The following SEL1L3 variants were observed in gnomAD, a reference collection of about 807,000 sequenced individuals.
SEL1L3 encodes SEL1L family member 3.
In SEL1L3, 76 loss-of-function variants were observed where a neutral mutation model predicts 142.8. The observed-to-expected ratio is 0.53, with a 90% CI of 0.44 to 0.64. The LOEUF (loss-of-function observed/expected upper bound fraction) is 0.64, where lower values mean the gene tolerates loss of function less well. Among genes scored for constraint, SEL1L3 ranks in the 30% least tolerant of loss-of-function variants. The pLI is 0.00. For missense variants in SEL1L3, 1,262 were observed against 1,381.7 expected (o/e 0.91, Z 1.37); for synonymous variants, 504 against 519.6 (o/e 0.97, Z 0.41).
Position 25,782,290 on chromosome 4 carries a change from T to G in SEL1L3, c.2409A>C (p.Gly803=), listed in dbSNP as rs1214571348. Reference sequence around the variant, plus strand: ...GGAAGATGCCATCCAAATGCAGGACTCCAAGATTGTATGACGCATCTGGGT... The same window carrying G: ...GGAAGATGCCATCCAAATGCAGGACGCCAAGATTGTATGACGCATCTGGGT... ...MGNPDASYNL[G]VLHLDGIFPG... Residue 803 remains glycine (G), a synonymous_variant, in exon 15 of 24, where the codon GGA becomes GGC. Transcript: ENST00000399878. 1 of 1,613,918 alleles carries G rather than the reference T, an allele frequency of 6.2e-7. No homozygotes were observed. The highest frequency in any genetic ancestry group is 8.5e-7 in the Non-Finnish European group (1 of 1,179,818).
chr4:25,741,552 G>A, the SEL1L3 span, among the ~76,000 whole-genome samples: 2 of 152,062 alleles, frequency 1.3e-5, no homozygotes, highest in African/African-American at 2.4e-5. Context: ...CCTGTGCTTT[G>A]AATATTTTTT....
At chr4:25,790,086 A>G (rs751683650) in intron 12 of SEL1L3, among the ~76,000 whole-genome samples, 1 of 152,222 alleles carries the variant, frequency 6.6e-6, no homozygotes, top group Non-Finnish European at 1.5e-5. Flanking sequence ...GGTACTCTTT[A>G]GAGCTGGTCA....
intron 6 of SEL1L3, 139 bp downstream of exon 6, chr4:25,829,959 C>CT: frequency 1.6e-6 from 1 of 632,270 alleles, no homozygotes; most frequent in African/African-American, 1.9e-5. Flanking sequence ...CAAAGACTAG[C>CT]TACAGGGCAG....
chr4:25,790,753 A>G (rs1331148637), intron 11 of SEL1L3, among the ~76,000 whole-genome samples, 179 bp from the exon 12 acceptor site: 2 of 137,830 alleles, frequency 1.5e-5, no homozygotes, highest in African/African-American at 5.5e-5. Context: ...GGAAGGAAGG[A>G]AGGAAGAAAG....
intron 20 of SEL1L3, among the ~76,000 whole-genome samples, chr4:25,761,585 A>G (rs1205608858): frequency 6.6e-6 from 1 of 152,258 alleles, no homozygotes; most frequent in African/African-American, 2.4e-5. Context: ...AGATAAATAT[A>G]TAAAGAACTA....
Position 25,753,435 on chromosome 4 carries a change from C to T in SEL1L3, c.3259+4099G>A, listed in dbSNP as rs138310001. ...TTTCCTCTTTTTTACAGTCAGTCAGCACCCAGAGTTCATTATTAAGTTTGT... is the reference window on the plus strand; with the variant it reads ...TTTCCTCTTTTTTACAGTCAGTCAGTACCCAGAGTTCATTATTAAGTTTGT... On this transcript the variant is annotated intron_variant, in intron 23 of 23. Transcript: ENST00000399878. Among the ~76,000 whole-genome samples the T allele has an allele frequency of 1.4e-3, 218 of 152,340 alleles. 1 individual carries two copies. The highest frequency in any genetic ancestry group is 5.0e-3 in the African/African-American group (208 of 41,582).
chr4:25,813,759 G>A (rs573635795), intron 9 of SEL1L3, among the ~76,000 whole-genome samples: 5 of 152,300 alleles, frequency 3.3e-5, no homozygotes, highest in African/African-American at 7.2e-5. Context: ...CCCTTAAAGA[G>A]GAAAAGTGTA....
chr4:25,856,957 G>T (rs1717303385), intron 1 of SEL1L3, among the ~76,000 whole-genome samples: 2 of 152,172 alleles, frequency 1.3e-5, no homozygotes, highest in South Asian at 4.1e-4. Flanking sequence ...AAGTTCATTG[G>T]CATGTACACA....
intron 19 of SEL1L3, among the ~76,000 whole-genome samples, chr4:25,765,718 A>G (rs911961510): frequency 2.0e-5 from 3 of 151,980 alleles, no homozygotes; most frequent in Non-Finnish European, 4.4e-5. Flanking sequence ...GGCTCACTGC[A>G]GCCTTGACTT....
chr4:25,750,212 G>A (rs1162728558), intron 23 of SEL1L3, among the ~76,000 whole-genome samples: 1 of 148,516 alleles, frequency 6.7e-6, no homozygotes, highest in Non-Finnish European at 1.5e-5. Flanking sequence ...ACCAGCCTGG[G>A]CGACAGAGCG....
rs529510161 is a variant in SEL1L3 at position 25,825,010 on chromosome 4, C to T, written c.1158-2882G>A. 1.5e-4 allele frequency among the ~76,000 whole-genome samples: 23 copies of T among 152,096 alleles called. No individual in the cohort carries two copies. In the East Asian group the frequency reaches 1.5e-3, roughly 10 times the overall value. ...AAGTGTGAAAAAAGCCCACAGCAAA[C>T]GCTAATCTGCAGATTTGTACTCAAA... On this transcript the variant is annotated intron_variant, in intron 6 of 23. Transcript: ENST00000399878.
chr4:25,724,495 A>G, the SEL1L3 span, among the ~76,000 whole-genome samples: 7 of 152,152 alleles, frequency 4.6e-5, no homozygotes, highest in South Asian at 8.3e-4. Context: ...TAATCTCAGC[A>G]CTTTGGGAGG....
At chr4:25,815,394 T>C (rs778973573) in intron 9 of SEL1L3, among the ~76,000 whole-genome samples, 3 of 152,172 alleles carry the variant, frequency 2.0e-5, no homozygotes, top group African/African-American at 4.8e-5. Context: ...AGGGGACTTA[T>C]GATTGGGGTT....
chr4:25,736,597 A>C, the SEL1L3 span, among the ~76,000 whole-genome samples: 9 of 152,132 alleles, frequency 5.9e-5, no homozygotes, highest in Non-Finnish European at 5.9e-5. Context: ...TGAGCGTTCC[A>C]TGTAACCTTG....
chr4:25,826,481 T>C (rs1004940276), intron 6 of SEL1L3, among the ~76,000 whole-genome samples: 3 of 150,026 alleles, frequency 2.0e-5, no homozygotes, highest in Non-Finnish European at 3.0e-5. Flanking sequence ...AAAAGTGGGG[T>C]TCCTGGCAGG....
At chr4:25,757,451 G>C (rs1403135356) in intron 23 of SEL1L3, 83 bp downstream of exon 23, 1 of 898,350 alleles carries the variant, frequency 1.1e-6, no homozygotes, top group Non-Finnish European at 1.5e-6. Flanking sequence ...AATTTTTCCA[G>C]TAGACCAAAA....
chr4:25,778,596 CT>C (rs1226929572), intron 16 of SEL1L3, among the ~76,000 whole-genome samples: 1 of 151,976 alleles, frequency 6.6e-6, no homozygotes, highest in Non-Finnish European at 1.5e-5. Flanking sequence ...AAATGATATA[CT>C]TATTGGGAAG....
At chr4:25,719,830 G>C in the SEL1L3 span, 1 of 152,174 alleles carries the variant, frequency 6.6e-6, no homozygotes, top group Non-Finnish European at 1.5e-5. Flanking sequence ...CAGCTTCGCA[G>C]ACAGCAAATA....
At chr4:25,757,854 G>T in intron 21 of SEL1L3, 64 bp from the exon 22 acceptor site, 1 of 1,128,092 alleles carries the variant, frequency 8.9e-7, no homozygotes, top group Non-Finnish European at 1.3e-6. Flanking sequence ...CTCAGGACTG[G>T]CATTTTCAGA....
Sources: gnomAD v4.1 joint callset for allele counts (sites outside exome capture counted in the v4.1 genomes callset) on GRCh38, gnomAD v4.1.1 for gene constraint, MANE v1.5 for transcripts, NCBI Gene and HGNC (gene_info 2026-07-23, HGNC 2026-07-21) for gene names.